CENPP: variants seen among roughly 807,000 people sequenced by gnomAD.
CENPP encodes centromere protein P.
In CENPP, 24 loss-of-function variants were observed where a neutral mutation model predicts 35.6. The ratio of observed to expected loss-of-function variants is 0.67; its 90% CI spans 0.49 to 0.95. The LOEUF (loss-of-function observed/expected upper bound fraction) is 0.95. Among genes scored for constraint, CENPP ranks in the 40% least tolerant of loss-of-function variants. CENPP has a pLI of 0.00. For synonymous variants in CENPP, 120 were observed against 125.5 expected (o/e 0.96, Z 0.29); for missense variants, 332 against 345.3 (o/e 0.96, Z 0.31).
At chr9:92,596,445 C>CAAAAAAAAAAAAAAA (rs60383394) in intron 5 of CENPP, among the ~76,000 whole-genome samples, 19 of 72,000 alleles carry the variant, frequency 2.6e-4, no homozygotes, top group South Asian at 5.4e-4. Flanking sequence ...GACCCTGTGT[C>CAAAAAAAAAAAAAAA]AAAAAAAAAA....
intron 5 of CENPP, among the ~76,000 whole-genome samples, chr9:92,427,331 T>C (rs963552267): frequency 1.3e-5 from 2 of 152,032 alleles, no homozygotes; most frequent in Non-Finnish European, 2.9e-5. Context: ...CCCAGCTAAT[T>C]TTTGTATTTT....
chr9:92,546,048 G>T (rs1200399621), intron 5 of CENPP, among the ~76,000 whole-genome samples: 1 of 151,858 alleles, frequency 6.6e-6, no homozygotes, highest in East Asian at 1.9e-4. Flanking sequence ...CTAGCTCAGG[G>T]TTTGCAAATG....
At chr9:92,564,017 T>A (rs1051743852) in intron 5 of CENPP, among the ~76,000 whole-genome samples, 4 of 152,200 alleles carry the variant, frequency 2.6e-5, no homozygotes, top group African/African-American at 9.6e-5. Context: ...CAGGTCTGCA[T>A]TTTGGAAAAA....
At chr9:92,583,892 A>G (rs956586612) in intron 5 of CENPP, among the ~76,000 whole-genome samples, 1 of 152,228 alleles carries the variant, frequency 6.6e-6, no homozygotes. Flanking sequence ...TTACTTCTCT[A>G]TGTCTTTGGA....
intron 5 of CENPP, among the ~76,000 whole-genome samples, chr9:92,562,188 GTTTTCTTTT>G (rs1312424065): frequency 6.7e-6 from 1 of 148,646 alleles, no homozygotes; most frequent in Non-Finnish European, 1.5e-5. Context: ...CTGGAACTCA[GTTTTCTTTT>G]TTTTCTTTTC....
At chr9:92,489,556 A>G (rs1159861255) in intron 5 of CENPP, among the ~76,000 whole-genome samples, 30 of 152,210 alleles carry the variant, frequency 2.0e-4, no homozygotes, top group Admixed American at 2.0e-3. Context: ...AGGTATTATA[A>G]GTAATCACAG....
intron 5 of CENPP, among the ~76,000 whole-genome samples, chr9:92,497,398 G>A (rs1385704910): frequency 6.6e-6 from 1 of 152,128 alleles, no homozygotes; most frequent in Non-Finnish European, 1.5e-5. Context: ...GCCAAGGTGG[G>A]TGGATCACCT....
chr9:92,370,474 A>G (rs1443298567), intron 4 of CENPP, among the ~76,000 whole-genome samples: 3 of 150,954 alleles, frequency 2.0e-5, no homozygotes, highest in African/African-American at 7.4e-5. Flanking sequence ...TAGACTTTTT[A>G]TTGTTTTTTT....
At chr9:92,484,406 C>T (rs181450272) in intron 5 of CENPP, among the ~76,000 whole-genome samples, 218 of 152,262 alleles carry the variant, frequency 1.4e-3, no homozygotes, top group African/African-American at 4.8e-3. Context: ...CAGTGACATG[C>T]TTTTGAGATC....
intron 5 of CENPP, among the ~76,000 whole-genome samples, chr9:92,607,011 A>C (rs1461146517): frequency 6.6e-6 from 1 of 152,206 alleles, no homozygotes; most frequent in Admixed American, 6.5e-5. Context: ...CAAATAGCCA[A>C]AAAGTAAAAA....
intron 5 of CENPP, among the ~76,000 whole-genome samples, chr9:92,397,777 C>G (rs1232956143): frequency 6.6e-6 from 1 of 152,152 alleles, no homozygotes; most frequent in Admixed American, 6.5e-5. Context: ...GTCTCTTTCT[C>G]CACAGATAAT....
intron 5 of CENPP, among the ~76,000 whole-genome samples, chr9:92,595,212 C>T (rs1448522667): frequency 6.6e-6 from 1 of 152,010 alleles, no homozygotes; most frequent in African/African-American, 2.4e-5. Context: ...TGCTGTTTTT[C>T]TAAGAACATG....
intron 4 of CENPP, among the ~76,000 whole-genome samples, chr9:92,378,069 T>G (rs1121978): frequency 0.37 from 55,686 of 151,964 alleles, 12,495 homozygotes; most frequent in African/African-American, 0.63. Flanking sequence ...ATGACATCCT[T>G]TCTTTGCTTA....
rs1288181456 is a variant in CENPP, at chr9:92,476,532, G to A, written c.564+96673G>A. On this transcript the variant is annotated intron_variant, in intron 5 of 7. Coordinates refer to ENST00000375587, the MANE Select transcript of CENPP (RefSeq NM_001012267.3). The surrounding 1 kb of genome is among the most constrained non-coding windows in gnomAD (Gnocchi z 4.1). ...ATGAACATTTGCCCACTGGGTAGCTGGATGGCACTGGTCAGGTATGTGTGA... is the reference window on the plus strand; with the variant it reads ...ATGAACATTTGCCCACTGGGTAGCTAGATGGCACTGGTCAGGTATGTGTGA... Among the ~76,000 whole-genome samples, 1 of 152,168 alleles carries A rather than the reference G, an allele frequency of 6.6e-6. No individual in the cohort carries two copies. The highest frequency in any genetic ancestry group is 1.5e-5 in the Non-Finnish European group (1 of 68,024).
intron 5 of CENPP, among the ~76,000 whole-genome samples, chr9:92,492,649 T>G (rs1846205104): frequency 6.6e-6 from 1 of 152,168 alleles, no homozygotes; most frequent in Non-Finnish European, 1.5e-5. Context: ...TACCCTCCGG[T>G]TGAGCATCAG....
intron 5 of CENPP, among the ~76,000 whole-genome samples, chr9:92,596,445 C>CAAAAAAAAAAAAAAAAAAAA (rs60383394): frequency 5.6e-5 from 4 of 72,008 alleles, no homozygotes; most frequent in African/African-American, 1.1e-4. Flanking sequence ...GACCCTGTGT[C>CAAAAAAAAAAAAAAAAAAAA]AAAAAAAAAA....
chr9:92,500,353 T>C (rs1030709815), intron 5 of CENPP, among the ~76,000 whole-genome samples: 1 of 152,170 alleles, frequency 6.6e-6, no homozygotes, highest in African/African-American at 2.4e-5. Flanking sequence ...CTGCTAAGTT[T>C]TGTATTTTTA....
chr9:92,600,194 C>G (rs1459633549), intron 5 of CENPP: 1 of 966,724 alleles, frequency 1.0e-6, no homozygotes, highest in Non-Finnish European at 1.4e-6. Flanking sequence ...TCTTTTCAAC[C>G]ATGTTTAGCT....
At chr9:92,424,748 C>T (rs976277078) in intron 5 of CENPP, among the ~76,000 whole-genome samples, 4 of 152,196 alleles carry the variant, frequency 2.6e-5, no homozygotes, top group Admixed American at 2.0e-4. Flanking sequence ...AACCTCGGCT[C>T]ACCACAACCT....
Sources: gnomAD v4.1 joint callset for allele counts (sites outside exome capture counted in the v4.1 genomes callset) on GRCh38, gnomAD v4.1.1 for gene constraint, Gnocchi (gnomAD v3.1) non-coding constraint, MANE v1.5 for transcripts, NCBI Gene and HGNC (gene_info 2026-07-23, HGNC 2026-07-21) for gene names.